The following DAB1 variants were observed in gnomAD, a reference collection of about 807,000 sequenced individuals.
DAB1 encodes the protein disabled homolog 1.
A neutral mutation model predicts 64.6 loss-of-function variants in DAB1; 15 were observed. The observed-to-expected ratio is 0.23, with a 90% CI of 0.16 to 0.36. The LOEUF is 0.36. Ranked by LOEUF, DAB1 falls within the 10% of genes least tolerant of loss-of-function variation. The pLI, the probability that DAB1 is intolerant of heterozygous loss-of-function variation, is 1.00. For missense variants in DAB1, 596 were observed against 706.7 expected (o/e 0.84, Z 1.78); for synonymous variants, 235 against 251.9 (o/e 0.93, Z 0.64).
At chr1:57,300,058 C>T (rs1278389009) in intron 1 of DAB1, among the ~76,000 whole-genome samples, 2 of 152,166 alleles carry the variant, frequency 1.3e-5, no homozygotes, top group East Asian at 3.9e-4. Flanking sequence ...ACTGTCCCAA[C>T]CCCGAGTGGG....
Position 57,251,086 on chromosome 1 carries a change from T to G in DAB1, c.67+39878A>C, listed in dbSNP as rs546681760. ...TTATTGGATTTATAGAGAAACCATA[T>G]ATTATTGTACATGGTTTTCATACCT... On this transcript the variant is annotated intron_variant, in intron 2 of 14. Transcript: ENST00000371236. Among the ~76,000 whole-genome samples the G allele has an allele frequency of 2.0e-5, 3 of 152,356 alleles. No homozygotes were observed. The South Asian group carries it at 6.2e-4, about 32-fold the overall frequency.
intron 4 of DAB1, among the ~76,000 whole-genome samples, chr1:58,204,302 G>A (rs1373942215): frequency 3.3e-5 from 5 of 152,140 alleles, no homozygotes; most frequent in Admixed American, 6.6e-5. Context: ...TAATAGAACC[G>A]AATTATTTGT....
intron 7 of DAB1, among the ~76,000 whole-genome samples, chr1:57,526,994 T>C (rs1644600842): frequency 6.6e-6 from 1 of 152,146 alleles, no homozygotes; most frequent in Non-Finnish European, 1.5e-5. Context: ...ACCTCAACCT[T>C]GTAAGATTAG....
chr1:58,329,062 C>A (rs763759560), intron 4 of DAB1, among the ~76,000 whole-genome samples: 17 of 152,186 alleles, frequency 1.1e-4, no homozygotes, highest in Non-Finnish European at 2.4e-4. Flanking sequence ...TAATCAGTGA[C>A]CAACTCCAGC....
intron 7 of DAB1, among the ~76,000 whole-genome samples, chr1:57,529,710 C>CA: frequency 6.6e-6 from 1 of 152,190 alleles, no homozygotes; most frequent in Admixed American, 6.5e-5. Flanking sequence ...TACTTAATAG[C>CA]AAAACCAGAC....
At chr1:57,966,319 T>C (rs574231481) in intron 5 of DAB1, among the ~76,000 whole-genome samples, 1 of 152,176 alleles carries the variant, frequency 6.6e-6, no homozygotes, top group Non-Finnish European at 1.5e-5. Flanking sequence ...AATATCAAGC[T>C]GACTTTTTGT....
At chr1:57,118,890 T>C (rs1656388171) in intron 4 of DAB1, among the ~76,000 whole-genome samples, 2 of 152,182 alleles carry the variant, frequency 1.3e-5, no homozygotes, top group South Asian at 4.1e-4. Context: ...TGAGATAACA[T>C]GGCTAGAAAT....
intron 2 of DAB1, among the ~76,000 whole-genome samples, chr1:57,172,888 CA>C (rs751654984): frequency 3.7e-4 from 56 of 152,152 alleles, no homozygotes; most frequent in Non-Finnish European, 6.3e-4. Context: ...CATGCATAGA[CA>C]GCAAGGATGG....
At chr1:57,056,656 G>A (rs1649799964) in intron 9 of DAB1, among the ~76,000 whole-genome samples, 1 of 152,026 alleles carries the variant, frequency 6.6e-6, no homozygotes, top group African/African-American at 2.4e-5. Context: ...CCTGAGGTTA[G>A]GAGTTTGAGA....
intron 5 of DAB1, among the ~76,000 whole-genome samples, chr1:57,932,499 G>C (rs1644967880): frequency 6.9e-6 from 1 of 145,006 alleles, no homozygotes; most frequent in Non-Finnish European, 1.5e-5. Flanking sequence ...TTTTAGTAGA[G>C]ACGGGGTTTC....
chr1:57,776,077 G>A (rs1649784712), intron 6 of DAB1, among the ~76,000 whole-genome samples: 1 of 151,530 alleles, frequency 6.6e-6, no homozygotes, highest in Non-Finnish European at 1.5e-5. Context: ...GCCTATCTGT[G>A]TCTTTATGTT....
chr1:58,265,670 C>G (rs1661143143), intron 4 of DAB1, among the ~76,000 whole-genome samples: 1 of 152,150 alleles, frequency 6.6e-6, no homozygotes, highest in East Asian at 1.9e-4. Context: ...TTCCCTACAC[C>G]TCAGTCAAAT....
chr1:57,781,553 G>A (rs1308364913), intron 6 of DAB1, among the ~76,000 whole-genome samples: 1 of 152,114 alleles, frequency 6.6e-6, no homozygotes, highest in South Asian at 2.1e-4. Flanking sequence ...ATTTACAGAT[G>A]GAGAAAGTGA....
chr1:57,986,157 A>C (rs997452993), intron 5 of DAB1, among the ~76,000 whole-genome samples: 1 of 152,094 alleles, frequency 6.6e-6, no homozygotes, highest in Non-Finnish European at 1.5e-5. Flanking sequence ...TAAAAGGGGG[A>C]GGAGGAGAAG....
intron 5 of DAB1, among the ~76,000 whole-genome samples, chr1:58,131,993 G>A (rs910938534): frequency 6.6e-6 from 1 of 151,994 alleles, no homozygotes; most frequent in South Asian, 2.1e-4. Flanking sequence ...CACCCAGTTC[G>A]AGCTTCCTGG....
intron 5 of DAB1, among the ~76,000 whole-genome samples, chr1:58,036,381 T>TA (rs1647045532): frequency 6.6e-6 from 1 of 152,168 alleles, no homozygotes; most frequent in African/African-American, 2.4e-5. Context: ...ATAGCAATGA[T>TA]ACAGCTGGTT....
chr1:57,908,355 T>C (rs191661636), intron 5 of DAB1, among the ~76,000 whole-genome samples: 2 of 152,216 alleles, frequency 1.3e-5, no homozygotes, highest in East Asian at 1.9e-4. Context: ...ACTCCACTGA[T>C]GTCCTTTTCA....
At chr1:57,709,118 T>G (rs1646998944) in intron 6 of DAB1, among the ~76,000 whole-genome samples, 1 of 152,204 alleles carries the variant, frequency 6.6e-6, no homozygotes, top group Admixed American at 6.5e-5. Flanking sequence ...AAAATACCAT[T>G]AAAATAAATT....
At chr1:58,234,140 A>G (rs1659907191) in intron 4 of DAB1, among the ~76,000 whole-genome samples, 1 of 152,242 alleles carries the variant, frequency 6.6e-6, no homozygotes. Flanking sequence ...TAGAGATGTC[A>G]GATATACCAG....
Sources: allele counts gnomAD v4.1 joint callset (sites outside exome capture counted in the v4.1 genomes callset), GRCh38; gene constraint gnomAD v4.1.1; transcripts MANE v1.5; gene names NCBI Gene and HGNC (gene_info 2026-07-23, HGNC 2026-07-21).